ZNF701: variants seen among roughly 807,000 people sequenced by gnomAD.
The protein encoded by ZNF701 is zinc finger protein 701.
In ZNF701, 6 loss-of-function variants were observed where a neutral mutation model predicts 7.1. The observed-to-expected ratio is 0.84, with a 90% CI of 0.46 to 1.66. ZNF701 has a LOEUF of 1.66. Among genes scored for constraint, ZNF701 ranks in the 40% most tolerant of loss-of-function variants. The probability of loss-of-function intolerance (pLI) is 0.01; values close to 1 mark genes in which losing one functional copy is unlikely to be tolerated. For missense variants in ZNF701, 541 were observed against 559.2 expected, an observed-to-expected ratio of 0.97 and a Z score of 0.33; for synonymous variants, 166 against 188.2, an observed-to-expected ratio of 0.88 and a Z score of 0.97.
At chr19:52,576,081 T>C (rs2059932469) in intron 3 of ZNF701, 60 bp downstream of exon 3, 2 of 1,607,180 alleles carry the variant, frequency 1.2e-6, no homozygotes, top group Non-Finnish European at 1.7e-6. Flanking sequence ...GTATTTTCTC[T>C]TGTTGCCTCT....
chr19:52,589,994 A>G (rs1403049928), downstream of ZNF701, among the ~76,000 whole-genome samples: 1 of 151,730 alleles, frequency 6.6e-6, no homozygotes. Context: ...GGGTTTCTCT[A>G]TGTTGGTCAG....
the ZNF701 span, chr19:52,597,766 G>C: frequency 9.7e-6 from 2 of 206,440 alleles, no homozygotes; most frequent in Non-Finnish European, 2.0e-5. Context: ...GTCATCTTGA[G>C]GGCAAGGTCT....
chr19:52,582,713 T>C lies in ZNF701; in HGVS notation c.654T>C (p.Asn218=). 1 of 1,614,162 alleles carries C rather than the reference T, an allele frequency of 6.2e-7. No individual in the cohort carries two copies. The highest frequency in any genetic ancestry group is 8.5e-7 in the Non-Finnish European group (1 of 1,180,020). The part of the protein sequence containing the change: ...VHTREKSFQR[N]ESGKAFNGSS... ...CAAGAGAAAAATCTTTCCAACGTAA[T>C]GAGAGTGGCAAAGCCTTTAATGGTA... The change falls in exon 4 of 4, where the codon AAT becomes AAC. Residue 218 remains asparagine, a synonymous_variant. Coordinates refer to ENST00000391785, the MANE Select transcript of ZNF701 (RefSeq NM_018260.3).
chr19:52,570,463 C>T (rs553743180), intron 1 of ZNF701, 133 bp downstream of exon 1: 2 of 152,390 alleles, frequency 1.3e-5, no homozygotes, highest in South Asian at 2.1e-4. Context: ...TGCAGACGTT[C>T]CCCTGGGAAT....
chr19:52,582,370 A>G lies in ZNF701; in HGVS notation c.311A>G (p.Asn104Ser). 1 of 1,613,830 alleles carries G rather than the reference A, an allele frequency of 6.2e-7. No homozygotes were observed. ...IHDFVFQWQE[N>S]ETNGHEALMT... Reference sequence around the variant, plus strand: ...GACTTTGTGTTTCAGTGGCAAGAAAATGAAACAAATGGCCATGAAGCACTC... The same window carrying G: ...GACTTTGTGTTTCAGTGGCAAGAAAGTGAAACAAATGGCCATGAAGCACTC... The change falls in exon 4 of 4, where the codon AAT becomes AGT. Residue 104 changes from asparagine to serine, a missense_variant. Coordinates refer to ENST00000391785, the MANE Select transcript of ZNF701 (RefSeq NM_018260.3).
the ZNF701 span, among the ~76,000 whole-genome samples, chr19:52,598,399 C>T: frequency 6.6e-6 from 1 of 151,982 alleles, no homozygotes; most frequent in Non-Finnish European, 1.5e-5. Context: ...GCAGGCGGGG[C>T]GAGCTCCCCT....
At chr19:52,570,973 T>C (rs2059894013) in intron 1 of ZNF701, 1 of 152,094 alleles carries the variant, frequency 6.6e-6, no homozygotes. Flanking sequence ...CCTGTGATTG[T>C]GTGGGCTAAA....
intron 3 of ZNF701, among the ~76,000 whole-genome samples, chr19:52,576,768 G>C (rs1465337447): frequency 6.6e-6 from 1 of 152,070 alleles, no homozygotes; most frequent in East Asian, 1.9e-4. Flanking sequence ...TATAGGGCTG[G>C]GACTCTACAA....
Position 52,583,660 on chromosome 19 carries a change from C to A in ZNF701, c.*203C>A. On this transcript the variant is annotated 3_prime_UTR_variant, in exon 4 of 4. Coordinates refer to ENST00000391785, the MANE Select transcript of ZNF701 (RefSeq NM_018260.3). ...TGTGACAAGGATTTCGGGTGTGATT[C>A]ACACCTGGCCCAACATACTGGAATT... 1 of 1,066,860 alleles carries A rather than the reference C, an allele frequency of 9.4e-7. No homozygotes were observed. The highest frequency in any genetic ancestry group is 1.5e-6 in the Non-Finnish European group (1 of 683,304). The allele number at this position is 1,066,860 out of a possible 1,614,324, so 66.1% of individuals were successfully genotyped here. A position where few individuals can be genotyped will look rare whatever the true frequency, so the allele number is the denominator to read the frequency against.
At chr19:52,573,953 G>A (rs1486105614) in intron 1 of ZNF701, 124 bp from the exon 2 acceptor site, 1 of 977,364 alleles carries the variant, frequency 1.0e-6, no homozygotes, top group Non-Finnish European at 1.5e-6. Flanking sequence ...TATTATCCCT[G>A]GTGCAGTGGG....
the ZNF701 span, chr19:52,595,744 C>G: frequency 6.3e-7 from 1 of 1,581,292 alleles, no homozygotes. Flanking sequence ...TCCCAGAAAT[C>G]AAGAAAGATA....
chr19:52,578,815 T>C (rs1405253760), intron 3 of ZNF701, among the ~76,000 whole-genome samples: 2 of 152,300 alleles, frequency 1.3e-5, no homozygotes, highest in East Asian at 3.9e-4. Flanking sequence ...TGGAGTGCAG[T>C]GGTGCGATCT....
At chr19:52,596,722 C>T in the ZNF701 span, 2 of 499,612 alleles carry the variant, frequency 4.0e-6, no homozygotes, top group African/African-American at 3.9e-5. Flanking sequence ...ATGGAAAGAC[C>T]TTTGCTCAAA....
rs141865875 is a variant in ZNF701 at position 52,577,872 on chromosome 19, T to G, written c.142+1851T>G. ...CAATGGTCATGCTCCTTGTCTACTTTCATGCTCCTCCCGTACTCCTGGCTC... is the reference window on the plus strand; with the variant it reads ...CAATGGTCATGCTCCTTGTCTACTTGCATGCTCCTCCCGTACTCCTGGCTC... On this transcript the variant is annotated intron_variant, in intron 3 of 3. Coordinates refer to ENST00000391785, the MANE Select transcript of ZNF701 (RefSeq NM_018260.3). Among the ~76,000 whole-genome samples, 1,035 of 152,204 alleles carry G rather than the reference T, an allele frequency of 6.8e-3. 14 individuals are homozygous for G. Among genetic ancestry groups the G allele is most frequent in the African/African-American group, 0.023 (967 of 41,542 alleles).
chr19:52,571,916 C>T (rs530877985), intron 1 of ZNF701, among the ~76,000 whole-genome samples: 4 of 152,126 alleles, frequency 2.6e-5, no homozygotes, highest in African/African-American at 9.6e-5. Context: ...CTCCACCTCC[C>T]GAGTTCAAGC....
chr19:52,593,082 G>A, the ZNF701 span, among the ~76,000 whole-genome samples: 1 of 118,036 alleles, frequency 8.5e-6, no homozygotes, highest in East Asian at 2.2e-4. Flanking sequence ...GTTTCAGAGA[G>A]CACAGGGTTG....
chr19:52,587,999 T>G (rs2060021699), downstream of ZNF701, among the ~76,000 whole-genome samples: 1 of 152,158 alleles, frequency 6.6e-6, no homozygotes, highest in South Asian at 2.1e-4. Context: ...TCTTGCTGCA[T>G]CGTGTGCGTG....
rs10402786 is a variant in ZNF701 at position 52,586,904 on chromosome 19, T to G, written c.*3447T>G. On this transcript the variant is annotated 3_prime_UTR_variant, in exon 4 of 4. Coordinates refer to ENST00000391785, the MANE Select transcript of ZNF701 (RefSeq NM_018260.3). ...AATCACCTTGAACCTTATCATCTCA[T>G]GGCTTTGACCCACCTACATGGCTCC... The G allele has an allele frequency of 6.6e-6, 1 of 151,992 alleles. No homozygotes were observed. Among genetic ancestry groups the G allele is most frequent in the Admixed American group, 6.6e-5 (1 of 15,266 alleles). 9.4% of individuals were successfully genotyped at this position (151,992 alleles called of 1,614,324 possible). A position where few individuals can be genotyped will look rare whatever the true frequency, so the allele number is the denominator to read the frequency against.
rs367937896 is a variant in ZNF701 at position 52,582,633 on chromosome 19, T to C, written c.574T>C (p.Tyr192His). The C allele has an allele frequency of 1.3e-5, 21 of 1,614,124 alleles. No individual in the cohort carries two copies. Among genetic ancestry groups the C allele is most frequent in the East Asian group, 6.7e-5 (3 of 44,876 alleles). The change falls in exon 4 of 4, where the codon TAT becomes CAT. Residue 192 changes from tyrosine (Y) to histidine (H), a missense_variant. Transcript: ENST00000391785. ...GCCAAAAACTCGTATTTCTAATAAG[T>C]ATAGGAATAATTTCCTCCAGTCTTC... is the stretch of plus-strand genomic sequence containing the variant. Reference protein sequence around the residue: ...CRPKTRISNKYRNNFLQSSLL... With the variant: ...CRPKTRISNKHRNNFLQSSLL...
Sources: gnomAD v4.1 joint callset for allele counts (sites outside exome capture counted in the v4.1 genomes callset) on GRCh38, gnomAD v4.1.1 for gene constraint, MANE v1.5 for transcripts, NCBI Gene and HGNC (gene_info 2026-07-23, HGNC 2026-07-21) for gene names.